The following UTS2B variants were observed in gnomAD, a reference collection of about 807,000 sequenced individuals.
UTS2B encodes urotensin-2B.
UTS2B carries 21 observed loss-of-function variants against 19.2 expected under a neutral mutation model. The observed-to-expected ratio is 1.09, with a 90% CI of 0.78 to 1.58. UTS2B has a LOEUF of 1.58. UTS2B is among the 40% of genes most tolerant of loss of function. The probability of loss-of-function intolerance (pLI) is 0.00; values close to 1 mark genes in which losing one functional copy is unlikely to be tolerated. For synonymous variants in UTS2B, 57 were observed against 50.2 expected (o/e 1.14, Z -0.58); for missense variants, 138 against 130.3 (o/e 1.06, Z -0.29).
chr3:191,298,542 C>T (rs12638950), intron 4 of UTS2B, among the ~76,000 whole-genome samples: 2 of 152,030 alleles, frequency 1.3e-5, no homozygotes. Context: ...AGCCATTATG[C>T]TTTCTGTAAA....
At chr3:191,317,730 C>G (rs1717504426) in intron 2 of UTS2B, among the ~76,000 whole-genome samples, 1 of 152,218 alleles carries the variant, frequency 6.6e-6, no homozygotes, top group East Asian at 1.9e-4. Context: ...AGGCATGCAC[C>G]ACTACGCCCA....
At chr3:191,301,483 A>ATTT (rs750203551) in intron 4 of UTS2B, among the ~76,000 whole-genome samples, 1,956 of 113,784 alleles carry the variant, frequency 0.017, 55 homozygotes, top group Middle Eastern at 0.027. Context: ...ATTTTTGGTA[A>ATTT]TTTTTTTTTT....
At chr3:191,330,674 G>A (rs548879094), upstream of UTS2B, 4 of 152,304 alleles carry the variant, frequency 2.6e-5, no homozygotes, top group East Asian at 5.8e-4. Flanking sequence ...AGCCTGAGGC[G>A]TCTTGGAGAT....
intron 4 of UTS2B, among the ~76,000 whole-genome samples, chr3:191,288,550 C>CA (rs944014856): frequency 2.0e-5 from 3 of 151,824 alleles, no homozygotes; most frequent in African/African-American, 4.8e-5. Context: ...TAAGTGGTGT[C>CA]AAAAAAACTG....
chr3:191,284,010 A>G (rs1160252580), intron 4 of UTS2B, among the ~76,000 whole-genome samples: 1 of 152,196 alleles, frequency 6.6e-6, no homozygotes, highest in Non-Finnish European at 1.5e-5. Context: ...ATGATGAAAG[A>G]TTGTATAATT....
chr3:191,304,931 T>G (rs540239355), intron 3 of UTS2B, among the ~76,000 whole-genome samples: 1 of 152,316 alleles, frequency 6.6e-6, no homozygotes, highest in African/African-American at 2.4e-5. Context: ...CATATTTGGT[T>G]TTCCTATGTC....
chr3:191,332,953 T>G (rs1376894184), upstream of UTS2B, among the ~76,000 whole-genome samples: 2 of 152,242 alleles, frequency 1.3e-5, no homozygotes, highest in Non-Finnish European at 2.9e-5. Flanking sequence ...TTACCACTTT[T>G]AGCCATGCAG....
intron 7 of UTS2B, 152 bp downstream of exon 7, chr3:191,276,655 C>T: frequency 3.4e-6 from 2 of 594,694 alleles, no homozygotes; most frequent in African/African-American, 1.9e-5. Flanking sequence ...CTTGATTTTT[C>T]TTTTTCTACA....
intron 7 of UTS2B, 119 bp from the exon 8 acceptor site, chr3:191,275,464 A>C: frequency 1.4e-6 from 1 of 701,486 alleles, no homozygotes; most frequent in South Asian, 1.7e-5. Context: ...GCAGGTCACG[A>C]GGTCAGGCGA....
intron 3 of UTS2B, among the ~76,000 whole-genome samples, chr3:191,309,358 A>G (rs1717228025): frequency 6.6e-6 from 1 of 151,094 alleles, no homozygotes; most frequent in African/African-American, 2.4e-5. Context: ...TTTTTTCAGT[A>G]GAGATGAGGT....
At chr3:191,314,741 A>G (rs1273798607) in intron 3 of UTS2B, among the ~76,000 whole-genome samples, 1 of 152,174 alleles carries the variant, frequency 6.6e-6, no homozygotes, top group Non-Finnish European at 1.5e-5. Context: ...GGTTAAGCTG[A>G]TCACCAATGG....
chr3:191,312,346 T>C (rs143246507), intron 3 of UTS2B, among the ~76,000 whole-genome samples: 225 of 152,284 alleles, frequency 1.5e-3, no homozygotes, highest in Non-Finnish European at 2.9e-3. Flanking sequence ...AAAAGTCATA[T>C]TGCAGGTCAT....
chr3:191,293,990 C>G (rs1418460414), intron 4 of UTS2B, among the ~76,000 whole-genome samples: 2 of 151,786 alleles, frequency 1.3e-5, no homozygotes, highest in Non-Finnish European at 1.5e-5. Flanking sequence ...CGCCTGTAAT[C>G]CCAGCTACTC....
intron 8 of UTS2B, among the ~76,000 whole-genome samples, chr3:191,274,273 A>G (rs1716170341): frequency 6.6e-6 from 1 of 152,204 alleles, no homozygotes; most frequent in Non-Finnish European, 1.5e-5. Context: ...ATTAATAGCT[A>G]TTGTATGGGA....
the UTS2B span, among the ~76,000 whole-genome samples, chr3:191,335,832 G>C: frequency 6.6e-6 from 1 of 151,790 alleles, no homozygotes; most frequent in Non-Finnish European, 1.5e-5. Context: ...TTCCTTTTTA[G>C]TGTGTAGTTC....
At chr3:191,297,730 ATTCAGC>A (rs1716892670) in intron 4 of UTS2B, among the ~76,000 whole-genome samples, 1 of 152,212 alleles carries the variant, frequency 6.6e-6, no homozygotes, top group Non-Finnish European at 1.5e-5. Flanking sequence ...ATAATAAAAT[ATTCAGC>A]ATTACACCTG....
intron 3 of UTS2B, among the ~76,000 whole-genome samples, chr3:191,313,534 T>G (rs993607805): frequency 9.3e-5 from 14 of 150,392 alleles, no homozygotes; most frequent in African/African-American, 3.5e-4. Flanking sequence ...GTTTGTGAGA[T>G]AATAACAGTT....
the UTS2B span, among the ~76,000 whole-genome samples, chr3:191,338,902 A>G: frequency 2.0e-5 from 3 of 152,156 alleles, no homozygotes; most frequent in Non-Finnish European, 4.4e-5. Context: ...CGTTCCAGTA[A>G]AGTGATATGG....
intron 8 of UTS2B, among the ~76,000 whole-genome samples, chr3:191,270,806 GT>G (rs1716071866): frequency 6.6e-6 from 1 of 152,062 alleles, no homozygotes; most frequent in Non-Finnish European, 1.5e-5. Context: ...ATAGAGAGTT[GT>G]TTTTGGATAA....
Sources: gnomAD v4.1 joint callset for allele counts (sites outside exome capture counted in the v4.1 genomes callset) on GRCh38, gnomAD v4.1.1 for gene constraint, MANE v1.5 for transcripts, NCBI Gene and HGNC (gene_info 2026-07-23, HGNC 2026-07-21) for gene names.